Variants in ELK1 observed in about 807,000 individuals in gnomAD.
The protein encoded by ELK1 is ETS transcription factor ELK1.
For synonymous variants in ELK1, 163 were observed against 176.3 expected, an observed-to-expected ratio of 0.92 and a Z score of 0.60; for missense variants, 254 against 381.5, an observed-to-expected ratio of 0.67 and a Z score of 2.78.
intron 2 of ELK1, 145 bp from the exon 3 acceptor site, chrX:47,641,620 C>T (rs1346586878): frequency 2.1e-6 from 1 of 473,877 alleles, no homozygotes; most frequent in Non-Finnish European, 3.6e-6. Flanking sequence ...AGACTAACTT[C>T]TAGCTCCCCA....
intron 5 of ELK1, 86 bp downstream of exon 5, chrX:47,637,665 C>T (rs2058013303): frequency 9.5e-7 from 1 of 1,056,517 alleles, no homozygotes; most frequent in South Asian, 2.2e-5. Flanking sequence ...CACACTCACC[C>T]TCCTCTGATT....
At chrX:47,638,536 C>T (rs753484396) in intron 4 of ELK1, among the ~76,000 whole-genome samples, 1 of 112,152 alleles carries the variant, frequency 8.9e-6, no homozygotes, top group Non-Finnish European at 1.9e-5. Context: ...ATTATTGGGC[C>T]CCTCCCCAGC....
intron 2 of ELK1, among the ~76,000 whole-genome samples, chrX:47,643,097 CTTTTT>C (rs1569339808): frequency 1.8e-5 from 2 of 111,237 alleles, no homozygotes; most frequent in East Asian, 2.8e-4. Flanking sequence ...TATTCTTTTT[CTTTTT>C]TTAAGAAATG....
At chrX:47,637,714 T>C in intron 5 of ELK1, 37 bp downstream of exon 5, 2 of 1,154,083 alleles carry the variant, frequency 1.7e-6, no homozygotes, top group Non-Finnish European at 2.3e-6. Context: ...CCATTGGTGC[T>C]GGCGCCCACA....
At chrX:47,644,141 G>T (rs745892016) in intron 2 of ELK1, among the ~76,000 whole-genome samples, 11 of 112,026 alleles carry the variant, frequency 9.8e-5, no homozygotes, top group South Asian at 3.7e-4. Flanking sequence ...AAAGAGTTCA[G>T]AGTGACTCCT....
chrX:47,638,590 G>A (rs2058017601), intron 4 of ELK1, among the ~76,000 whole-genome samples: 1 of 112,430 alleles, frequency 8.9e-6, no homozygotes, highest in Admixed American at 9.3e-5. Context: ...GCAATCTGTG[G>A]TTTAACAAGA....
At chrX:47,648,436 CATAT>C (rs1353229221) in intron 2 of ELK1, among the ~76,000 whole-genome samples, 2 of 112,859 alleles carry the variant, frequency 1.8e-5, no homozygotes, top group Non-Finnish European at 3.7e-5. Flanking sequence ...AACCCTTACT[CATAT>C]ATAAACTGGC....
At chrX:47,638,674 C>T (rs2058017893) in intron 4 of ELK1, among the ~76,000 whole-genome samples, 1 of 111,925 alleles carries the variant, frequency 8.9e-6, no homozygotes, top group African/African-American at 3.2e-5. Context: ...CCTACATGTT[C>T]GGCAGCTACT....
At chrX:47,643,362 T>G (rs2058034119) in intron 2 of ELK1, among the ~76,000 whole-genome samples, 1 of 112,371 alleles carries the variant, frequency 8.9e-6, no homozygotes, top group Admixed American at 9.4e-5. Flanking sequence ...CTGAGGTGTA[T>G]GATAAGCTCT....
In ELK1 at chrX:47,635,669, C is replaced by T. The variant is rs2058004991; in HGVS notation, c.*1160G>A. The T allele has an allele frequency of 9.0e-6, 1 of 111,593 alleles. No homozygotes were observed. Among genetic ancestry groups the T allele is most frequent in the Non-Finnish European group, 1.9e-5 (1 of 53,031 alleles). The allele number at this position is 111,593 out of a possible 1,213,427, so 9.2% of individuals were successfully genotyped here. On this transcript the variant is annotated 3_prime_UTR_variant, in exon 7 of 7. Coordinates refer to ENST00000376983, the MANE Select transcript of ELK1 (RefSeq NM_001114123.3). The stretch of plus-strand genomic sequence containing the variant: ...AATCACCAACCCCCAGGTCCCAAGG[C>T]CTGGGCTGGGCCAGCGCTAACAGGT...
Position 47,650,454 on chromosome X carries a change from G to A in ELK1, c.-172C>T, listed in dbSNP as rs1253568234. 1 of 359,788 alleles carries A rather than the reference G, an allele frequency of 2.8e-6. No homozygotes were observed. The highest frequency in any genetic ancestry group is 2.6e-5 in the Admixed American group (1 of 37,860). The allele number at this position is 359,788 out of a possible 1,213,427, so 29.7% of individuals were successfully genotyped here. A position where few individuals can be genotyped will look rare whatever the true frequency, so the allele number is the denominator to read the frequency against. On this transcript the variant is annotated 5_prime_UTR_variant, in exon 1 of 7. Transcript: ENST00000376983. ...GTAGCGTGGCGGTGGCGTTGGCAAT[G>A]TTGGCAGCTCCGGGGGGCGGGGGCT...
At position 47,637,744 on chromosome X, in the gene ELK1, C is replaced by A. The variant is rs750560181; in HGVS notation, c.1086+7G>T. On this transcript the variant is annotated splice_region_variant and intron_variant, in intron 5 of 6. Coordinates refer to ENST00000376983, the MANE Select transcript of ELK1 (RefSeq NM_001114123.3). ...CCCACACACCCCACCCCTCCGCAGGCACTCACCAATGTATGCGTAGGAAGC... is the reference window on the plus strand; with the variant it reads ...CCCACACACCCCACCCCTCCGCAGGAACTCACCAATGTATGCGTAGGAAGC... 124 of 1,182,124 alleles carry A rather than the reference C, an allele frequency of 1.0e-4. No homozygotes were observed. Among genetic ancestry groups the A allele is most frequent in the Non-Finnish European group, 1.3e-4 (117 of 879,407 alleles).
upstream of ELK1, chrX:47,650,601 C>A: frequency 3.9e-6 from 1 of 257,274 alleles, no homozygotes; most frequent in Non-Finnish European, 7.2e-6. Context: ...CACGTGGGCC[C>A]GAGGAGGAGG....
rs769494379 is a variant in ELK1 at position 47,637,123 on chromosome X, A to G, written c.1087-9T>C. The G allele has an allele frequency of 2.6e-5, 31 of 1,199,894 alleles. 1 individual carries two copies. The highest frequency in any genetic ancestry group is 3.3e-5 in the Non-Finnish European group (29 of 890,040). ...GTCAGCAGCACCGGGGTCTGTGGGG[A>G]GAGGGTGGTCGGAGCTCAAGTGAGT... is the stretch of plus-strand genomic sequence containing the variant. On this transcript the variant is annotated splice_polypyrimidine_tract_variant and intron_variant, in intron 5 of 6. Transcript: ENST00000376983.
At chrX:47,647,689 A>G (rs2058047954) in intron 2 of ELK1, among the ~76,000 whole-genome samples, 1 of 112,030 alleles carries the variant, frequency 8.9e-6, no homozygotes, top group Admixed American at 9.4e-5. Context: ...TCATGGGATA[A>G]ATTCTTATTG....
chrX:47,647,452 G>A (rs181806502), intron 2 of ELK1, among the ~76,000 whole-genome samples: 2 of 111,474 alleles, frequency 1.8e-5, no homozygotes, highest in East Asian at 5.6e-4. Context: ...GTTAGCCACC[G>A]TGCCCAGCCT....
chrX:47,640,960 G>A (rs901639020), intron 3 of ELK1, among the ~76,000 whole-genome samples: 9 of 111,260 alleles, frequency 8.1e-5, no homozygotes, highest in Non-Finnish European at 1.7e-4. Flanking sequence ...GTTGTGCATG[G>A]CAGGGCAGCA....
rs775377290 is a variant in ELK1 at position 47,637,058 on chromosome X, G to A, written c.1143C>T (p.Thr381=). Residue 381 remains threonine, a synonymous_variant, in exon 6 of 7, where the codon ACC becomes ACT. Transcript: ENST00000376983. Reference sequence around the variant, plus strand: ...GGCTACGGGGCGCAATGGGACTCAGGGTGCTCCAGAAGTGAATGCTAGGAG... The same window carrying A: ...GGCTACGGGGCGCAATGGGACTCAGAGTGCTCCAGAAGTGAATGCTAGGAG... ...SLPPSIHFWS[T]LSPIAPRSPA... The A allele has an allele frequency of 6.8e-5, 82 of 1,208,450 alleles. No individual in the cohort carries two copies. Among genetic ancestry groups the A allele is most frequent in the Non-Finnish European group, 8.8e-5 (79 of 894,724 alleles).
chrX:47,639,855 C>T (rs1255466944), intron 3 of ELK1, among the ~76,000 whole-genome samples: 1 of 112,485 alleles, frequency 8.9e-6, no homozygotes, highest in African/African-American at 3.2e-5. Context: ...TGCAATAAGA[C>T]AAGAAAATGA....
Sources: allele counts gnomAD v4.1 joint callset (sites outside exome capture counted in the v4.1 genomes callset), GRCh38; gene constraint gnomAD v4.1.1; transcripts MANE v1.5; gene names NCBI Gene and HGNC (gene_info 2026-07-23, HGNC 2026-07-21).